The following PHLPP1 variants were observed in gnomAD, a reference collection of about 807,000 sequenced individuals.
PHLPP1 encodes PH domain leucine-rich repeat-containing protein phosphatase 1.
Under a neutral mutation model 117.2 loss-of-function variants are expected in PHLPP1, and 42 were observed. The ratio of observed to expected loss-of-function variants is 0.36; its 90% CI spans 0.28 to 0.46. PHLPP1 has a LOEUF of 0.46. Ranked by LOEUF, PHLPP1 falls within the 20% of genes least tolerant of loss-of-function variation. The probability of loss-of-function intolerance (pLI) is 1.00; values close to 1 mark genes in which losing one functional copy is unlikely to be tolerated. For missense variants in PHLPP1, 2,084 were observed against 2,241.9 expected, an observed-to-expected ratio of 0.93 and a Z score of 1.42; for synonymous variants, 1,042 against 970.7, an observed-to-expected ratio of 1.07 and a Z score of -1.37.
chr18:62,751,288 C>T (rs968410156), intron 1 of PHLPP1, among the ~76,000 whole-genome samples: 2 of 152,164 alleles, frequency 1.3e-5, no homozygotes, highest in Admixed American at 6.5e-5. Context: ...GGTAGTCTTT[C>T]CCTGTCCGAA....
chr18:62,946,057 G>A (rs1910272375), intron 12 of PHLPP1, among the ~76,000 whole-genome samples: 1 of 152,170 alleles, frequency 6.6e-6, no homozygotes, highest in Non-Finnish European at 1.5e-5. Context: ...TTGTATCTTA[G>A]CATTTCTAGT....
At chr18:62,784,005 C>T (rs2144282124) in intron 1 of PHLPP1, among the ~76,000 whole-genome samples, 1 of 151,634 alleles carries the variant, frequency 6.6e-6, no homozygotes, top group Middle Eastern at 3.4e-3. Flanking sequence ...GGCTACAGCT[C>T]AGAGCACTTG....
At chr18:62,904,177 G>A (rs1303854170) in intron 7 of PHLPP1, among the ~76,000 whole-genome samples, 2 of 152,216 alleles carry the variant, frequency 1.3e-5, no homozygotes, top group Non-Finnish European at 2.9e-5. Context: ...AAGGGTTATA[G>A]GATTTAGATA....
In PHLPP1 at chr18:62,958,568, G is replaced by T. The variant is rs1910683906; in HGVS notation, c.3325-61G>T. The T allele has an allele frequency of 3.8e-6, 6 of 1,571,890 alleles. No individual in the cohort carries two copies. In the South Asian group the frequency reaches 6.7e-5, roughly 18 times the overall value. ...TTTGCATGCAAAGAGTAGGAGTATA[G>T]AATTCCCTGAAGAGCTTCTCTAGAC... On this transcript the variant is annotated intron_variant, in intron 12 of 16. Coordinates refer to ENST00000262719, the MANE Select transcript of PHLPP1 (RefSeq NM_194449.4).
At chr18:62,759,167 C>A (rs1912129412) in intron 1 of PHLPP1, among the ~76,000 whole-genome samples, 1 of 152,164 alleles carries the variant, frequency 6.6e-6, no homozygotes, top group Non-Finnish European at 1.5e-5. Flanking sequence ...CAAGGGTTTG[C>A]ATGCCTATAA....
intron 1 of PHLPP1, among the ~76,000 whole-genome samples, chr18:62,804,978 A>G (rs533904332): frequency 2.4e-4 from 34 of 143,092 alleles, no homozygotes; most frequent in African/African-American, 8.2e-4. Context: ...CATATACAGT[A>G]TAATATACAC....
At chr18:62,769,602 C>G (rs1275286345) in intron 1 of PHLPP1, among the ~76,000 whole-genome samples, 2 of 152,112 alleles carry the variant, frequency 1.3e-5, no homozygotes, top group African/African-American at 2.4e-5. Flanking sequence ...TGTTTGTTGT[C>G]TGGATCCAAT....
intron 4 of PHLPP1, among the ~76,000 whole-genome samples, chr18:62,878,390 C>T (rs1252811091): frequency 6.6e-6 from 1 of 152,210 alleles, no homozygotes; most frequent in Non-Finnish European, 1.5e-5. Flanking sequence ...TCTGCTACTT[C>T]ATGTCAAATA....
In PHLPP1 at chr18:62,754,020, C is replaced by T. The variant is rs144422374; in HGVS notation, c.1576+36761C>T. ...GTGTGGTGAAAGCATTTTGTTACAC[C>T]CATGTAACTAGCCCTTCAGCTTGTA... On this transcript the variant is annotated intron_variant, in intron 1 of 16. Transcript: ENST00000262719. 2.1e-3 allele frequency among the ~76,000 whole-genome samples: 319 copies of T among 152,218 alleles called. 1 individual carries two copies. The highest frequency in any genetic ancestry group is 7.2e-3 in the African/African-American group (297 of 41,532).
chr18:62,808,398 A>T (rs1285931665), intron 1 of PHLPP1, among the ~76,000 whole-genome samples: 1 of 152,200 alleles, frequency 6.6e-6, no homozygotes, highest in Non-Finnish European at 1.5e-5. Context: ...GGAAGTTGAC[A>T]GTATGATGTA....
At chr18:62,870,100 A>G (rs898347778) in intron 4 of PHLPP1, among the ~76,000 whole-genome samples, 1 of 151,852 alleles carries the variant, frequency 6.6e-6, no homozygotes, top group African/African-American at 2.4e-5. Context: ...GTCTCACCAT[A>G]TTGGCCAGGC....
At chr18:62,900,516 C>T (rs1701768) in intron 6 of PHLPP1, among the ~76,000 whole-genome samples, 67,833 of 140,978 alleles carry the variant, frequency 0.48, 18,447 homozygotes, top group Middle Eastern at 0.62. Flanking sequence ...GCTTGTTACC[C>T]AAGCTGTGGT....
At chr18:62,809,139 G>A (rs1599058605) in intron 1 of PHLPP1, among the ~76,000 whole-genome samples, 2 of 152,088 alleles carry the variant, frequency 1.3e-5, no homozygotes, top group African/African-American at 4.8e-5. Context: ...AGAAGCCACC[G>A]CCGTTCCATT....
intron 4 of PHLPP1, among the ~76,000 whole-genome samples, chr18:62,889,992 G>A (rs1377159708): frequency 6.6e-6 from 1 of 152,028 alleles, no homozygotes; most frequent in African/African-American, 2.4e-5. Flanking sequence ...TATTATACTG[G>A]ACCTTGCAGC....
At chr18:62,727,262 A>G (rs1911101074) in intron 1 of PHLPP1, among the ~76,000 whole-genome samples, 1 of 150,906 alleles carries the variant, frequency 6.6e-6, no homozygotes, top group Non-Finnish European at 1.5e-5. Flanking sequence ...AGGAAAAATA[A>G]CAAATTGTTC....
chr18:62,834,676 G>A (rs1323845930), intron 2 of PHLPP1, among the ~76,000 whole-genome samples: 4 of 152,102 alleles, frequency 2.6e-5, no homozygotes, highest in South Asian at 2.1e-4. Context: ...CTTTACTGAC[G>A]TGTAATTGAC....
Position 62,978,213 on chromosome 18 carries a change from C to G in PHLPP1, c.3985-49C>G. On this transcript the variant is annotated intron_variant, in intron 16 of 16. Coordinates refer to ENST00000262719, the MANE Select transcript of PHLPP1 (RefSeq NM_194449.4). The surrounding 1 kb of genome is among the most constrained non-coding windows in gnomAD (Gnocchi z 7.0). ...ACCCGCAGGGAACCTGCACAGTTGC[C>G]GCAGGTGCTCTGTATTAACTGTCTG... 8.9e-7 allele frequency: 1 copy of G among 1,129,738 alleles called. No individual in the cohort carries two copies. Among genetic ancestry groups the G allele is most frequent in the South Asian group, 1.5e-5 (1 of 68,782 alleles). The allele number at this position is 1,129,738 out of a possible 1,614,324, so 70.0% of individuals were successfully genotyped here.
At chr18:62,735,453 T>G (rs1202436673) in intron 1 of PHLPP1, among the ~76,000 whole-genome samples, 3 of 152,078 alleles carry the variant, frequency 2.0e-5, no homozygotes, top group Non-Finnish European at 4.4e-5. Flanking sequence ...GTTTGTATAG[T>G]TGGAATGCTT....
At chr18:62,743,781 C>T (rs71352592) in intron 1 of PHLPP1, among the ~76,000 whole-genome samples, 5,281 of 152,246 alleles carry the variant, frequency 0.035, 137 homozygotes, top group Middle Eastern at 0.062. Context: ...CACCCTCCCC[C>T]TCTCCCTCTC....
Sources: allele counts gnomAD v4.1 joint callset (sites outside exome capture counted in the v4.1 genomes callset), GRCh38; gene constraint gnomAD v4.1.1; non-coding constraint Gnocchi (gnomAD v3.1); transcripts MANE v1.5; gene names NCBI Gene and HGNC (gene_info 2026-07-23, HGNC 2026-07-21).